Variants in ERC2 observed in about 807,000 individuals in gnomAD.
ERC2 encodes ERC protein 2.
A neutral mutation model predicts 114.8 loss-of-function variants in ERC2; 42 were observed. The ratio of observed to expected loss-of-function variants is 0.37; its 90% confidence interval spans 0.29 to 0.47. The LOEUF is 0.47. Ranked by LOEUF, ERC2 falls within the 20% of genes least tolerant of loss-of-function variation. The pLI is 0.99. For missense variants in ERC2, 939 were observed against 1,150.7 expected, an observed-to-expected ratio of 0.82 and a Z score of 2.66; for synonymous variants, 454 against 425.5, an observed-to-expected ratio of 1.07 and a Z score of -0.82.
At chr3:55,901,833 T>C (rs1259666691) in intron 13 of ERC2, among the ~76,000 whole-genome samples, 1 of 152,206 alleles carries the variant, frequency 6.6e-6, no homozygotes, top group Non-Finnish European at 1.5e-5. Flanking sequence ...GCAGATAATT[T>C]TCATGTTGTA....
chr3:55,887,092 A>G (rs2063381565), intron 14 of ERC2, among the ~76,000 whole-genome samples: 1 of 152,256 alleles, frequency 6.6e-6, no homozygotes, highest in East Asian at 1.9e-4. Flanking sequence ...AAAATTAGAT[A>G]GCAGAAACGG....
chr3:55,740,550 A>G (rs944273400), intron 14 of ERC2, among the ~76,000 whole-genome samples: 39 of 152,168 alleles, frequency 2.6e-4, no homozygotes, highest in Admixed American at 8.5e-4. Flanking sequence ...TAGTCCATTT[A>G]AATCAAAGGG....
At chr3:55,970,631 A>G (rs2069088876) in intron 12 of ERC2, among the ~76,000 whole-genome samples, 2 of 152,186 alleles carry the variant, frequency 1.3e-5, no homozygotes, top group Non-Finnish European at 2.9e-5. Context: ...AATCAAAACC[A>G]CAATGAGATA....
Position 55,845,110 on chromosome 3 carries a change from C to G in ERC2, c.2564+43279G>C, listed in dbSNP as rs115020683. 7.5e-3 allele frequency among the ~76,000 whole-genome samples: 1,139 copies of G among 152,158 alleles called. 10 individuals carry two copies. Among genetic ancestry groups the G allele is most frequent in the African/African-American group, 0.026 (1,084 of 41,498 alleles). ...GAGGCGGAGCTCAGGCAGTAATGCT[C>G]GCTCACCTGCCACTCATCTCCTGCT... On this transcript the variant is annotated intron_variant, in intron 14 of 17. Transcript: ENST00000288221.
intron 3 of ERC2, among the ~76,000 whole-genome samples, chr3:56,242,905 C>A (rs2051420954): frequency 6.6e-6 from 1 of 152,174 alleles, no homozygotes; most frequent in Non-Finnish European, 1.5e-5. Context: ...AGTAGGATAT[C>A]TCTAAATGTA....
chr3:55,877,369 T>C (rs2062903397), intron 14 of ERC2, among the ~76,000 whole-genome samples: 1 of 152,148 alleles, frequency 6.6e-6, no homozygotes, highest in South Asian at 2.1e-4. Context: ...TGTTCACAGA[T>C]GGAAAGACCA....
chr3:56,441,510 T>C (rs2062305558), intron 1 of ERC2, among the ~76,000 whole-genome samples: 1 of 152,228 alleles, frequency 6.6e-6, no homozygotes, highest in Non-Finnish European at 1.5e-5. Context: ...AATATTGTGA[T>C]TGATAAAGCT....
At chr3:55,920,477 C>G (rs1235205854) in intron 13 of ERC2, among the ~76,000 whole-genome samples, 1 of 150,484 alleles carries the variant, frequency 6.6e-6, no homozygotes, top group Non-Finnish European at 1.5e-5. Context: ...GCTAACTGTC[C>G]AAAAACTCAA....
At chr3:55,687,550 GA>G (rs2062399324) in intron 16 of ERC2, among the ~76,000 whole-genome samples, 1 of 152,130 alleles carries the variant, frequency 6.6e-6, no homozygotes, top group Non-Finnish European at 1.5e-5. Context: ...GCCTTTGTGG[GA>G]ACTCAGCCAC....
chr3:56,373,979 G>T (rs2059445059), intron 2 of ERC2, among the ~76,000 whole-genome samples: 1 of 152,018 alleles, frequency 6.6e-6, no homozygotes. Context: ...GATCCTCGTT[G>T]GCTGACTGCT....
At chr3:55,703,729 A>C (rs1238415550) in intron 15 of ERC2, among the ~76,000 whole-genome samples, 1 of 152,264 alleles carries the variant, frequency 6.6e-6, no homozygotes, top group Non-Finnish European at 1.5e-5. Context: ...TGTGGAACAC[A>C]TAAGAGGGAA....
intron 17 of ERC2, among the ~76,000 whole-genome samples, chr3:55,626,780 C>T (rs1359036626): frequency 1.3e-5 from 2 of 152,246 alleles, no homozygotes; most frequent in African/African-American, 4.8e-5. Flanking sequence ...CTGTGTATAA[C>T]AGCACAGGTC....
chr3:55,575,036 C>T (rs989618526), intron 17 of ERC2, among the ~76,000 whole-genome samples: 4 of 152,052 alleles, frequency 2.6e-5, no homozygotes, highest in Non-Finnish European at 2.9e-5. Flanking sequence ...TTTTCTGAGA[C>T]GGAATGTTGC....
intron 2 of ERC2, among the ~76,000 whole-genome samples, chr3:56,353,282 G>T (rs887548197): frequency 1.3e-5 from 2 of 151,602 alleles, no homozygotes; most frequent in Non-Finnish European, 2.9e-5. Flanking sequence ...CTTTCATGAA[G>T]CTGTCCCAAG....
intron 14 of ERC2, among the ~76,000 whole-genome samples, chr3:55,880,403 T>C (rs567349320): frequency 1.3e-5 from 2 of 152,242 alleles, no homozygotes; most frequent in Non-Finnish European, 2.9e-5. Context: ...TGTTGTTTTG[T>C]TTTGTTTTTG....
intron 13 of ERC2, among the ~76,000 whole-genome samples, chr3:55,899,467 A>C (rs1003490709): frequency 2.0e-5 from 3 of 152,168 alleles, no homozygotes; most frequent in Non-Finnish European, 4.4e-5. Flanking sequence ...TCTTCAAAAA[A>C]ATTAGTTACA....
At chr3:56,250,147 C>G (rs540485825) in intron 3 of ERC2, among the ~76,000 whole-genome samples, 1 of 152,218 alleles carries the variant, frequency 6.6e-6, no homozygotes, top group East Asian at 1.9e-4. Context: ...TGAGCCACCA[C>G]GCCCGGCCAT....
intron 13 of ERC2, among the ~76,000 whole-genome samples, chr3:55,912,708 C>CTT (rs34957827): frequency 1.3e-5 from 2 of 151,640 alleles, no homozygotes; most frequent in African/African-American, 4.8e-5. Flanking sequence ...GAATCATGGG[C>CTT]TCTTTTTTTC....
chr3:55,906,476 C>CCAG lies in ERC2; in HGVS notation c.2404-17930_2404-17928dup, dbSNP rs576648532. Among the ~76,000 whole-genome samples the CCAG allele has an allele frequency of 4.0e-3, 609 of 150,886 alleles. 3 individuals are homozygous for CCAG. Among genetic ancestry groups the CCAG allele is most frequent in the Non-Finnish European group, 7.0e-3 (473 of 67,734 alleles). On this transcript the variant is annotated intron_variant, in intron 13 of 17. Coordinates refer to ENST00000288221, the MANE Select transcript of ERC2 (RefSeq NM_015576.3). ...AAAGTAGTGGCAGGGGGTTCCCCAA[C>CCAG]CAGCAGCAGCAGCATCACCTGGAAA...
Sources: allele counts gnomAD v4.1 joint callset (sites outside exome capture counted in the v4.1 genomes callset), GRCh38; gene constraint gnomAD v4.1.1; transcripts MANE v1.5; gene names NCBI Gene and HGNC (gene_info 2026-07-23, HGNC 2026-07-21).